MTSS1: variants seen among roughly 807,000 people sequenced by gnomAD.
The protein encoded by MTSS1 is MTSS I-BAR domain containing 1.
A neutral mutation model predicts 79.0 loss-of-function variants in MTSS1; 18 were observed. The observed-to-expected ratio is 0.23, with a 90% confidence interval of 0.16 to 0.34. The LOEUF is 0.34. MTSS1 is among the 10% of genes least tolerant of loss of function. MTSS1 has a pLI of 1.00. For synonymous variants in MTSS1, 341 were observed against 368.6 expected (o/e 0.93, Z 0.86); for missense variants, 815 against 986.2 (o/e 0.83, Z 2.33).
rs368901804 is a variant in MTSS1, at chr8:124,556,538, G to A, written c.1231-133C>T. ...AACCTCCGGCTGGGACAAGCCACAG[G>A]CCCTCTGCATGCCCTCTCCAGGCTC... On this transcript the variant is annotated intron_variant, in intron 11 of 13. Coordinates refer to ENST00000518547, the MANE Select transcript of MTSS1 (RefSeq NM_014751.6). 6.0e-6 allele frequency: 6 copies of A among 1,001,546 alleles called. No individual in the cohort carries two copies. The South Asian group carries it at 1.0e-4, about 17-fold the overall frequency. 62.0% of individuals were successfully genotyped at this position (1,001,546 alleles called of 1,614,324 possible).
At chr8:124,624,036 T>A (rs1325608313) in intron 3 of MTSS1, among the ~76,000 whole-genome samples, 1 of 152,242 alleles carries the variant, frequency 6.6e-6, no homozygotes, top group African/African-American at 2.4e-5. Context: ...ATCGAAGCTA[T>A]CAACCATTGC....
chr8:124,718,139 C>T (rs1470294481), intron 1 of MTSS1, among the ~76,000 whole-genome samples: 2 of 140,594 alleles, frequency 1.4e-5, no homozygotes, highest in African/African-American at 2.5e-5. Flanking sequence ...TCATCAAGCG[C>T]TTGTGGGTGA....
At chr8:124,599,117 T>C (rs941643247) in intron 3 of MTSS1, among the ~76,000 whole-genome samples, 2 of 152,190 alleles carry the variant, frequency 1.3e-5, no homozygotes, top group Non-Finnish European at 2.9e-5. Context: ...GAAGGGACCC[T>C]GTGCGCTTGA....
intron 1 of MTSS1, among the ~76,000 whole-genome samples, chr8:124,709,806 T>C (rs1230979679): frequency 6.6e-6 from 1 of 152,158 alleles, no homozygotes; most frequent in Non-Finnish European, 1.5e-5. Context: ...TGGCTGCTTC[T>C]CTTCAAATCT....
chr8:124,651,662 G>C (rs1819999447), intron 3 of MTSS1, among the ~76,000 whole-genome samples: 1 of 152,074 alleles, frequency 6.6e-6, no homozygotes, highest in African/African-American at 2.4e-5. Context: ...TGGGACATAA[G>C]TCTCCACCCA....
At chr8:124,578,731 G>T (rs1487507150) in intron 6 of MTSS1, among the ~76,000 whole-genome samples, 6 of 152,120 alleles carry the variant, frequency 3.9e-5, no homozygotes, top group Non-Finnish European at 5.9e-5. Context: ...GGAGACGGAG[G>T]TTGCAGTGAG....
intron 3 of MTSS1, among the ~76,000 whole-genome samples, chr8:124,622,490 A>G (rs76279793): frequency 6.6e-6 from 1 of 151,206 alleles, no homozygotes; most frequent in South Asian, 2.1e-4. Context: ...ATATTGAAAA[A>G]AAAAAAAAAA....
chr8:124,716,004 A>G (rs1192259577), intron 1 of MTSS1, among the ~76,000 whole-genome samples: 1 of 152,232 alleles, frequency 6.6e-6, no homozygotes, highest in Non-Finnish European at 1.5e-5. Context: ...CTCTGCTTTG[A>G]TGACTCAATG....
intron 6 of MTSS1, among the ~76,000 whole-genome samples, chr8:124,576,953 G>A (rs942269574): frequency 5.3e-5 from 8 of 152,124 alleles, no homozygotes; most frequent in Non-Finnish European, 1.0e-4. Context: ...CCTCTACCCT[G>A]CCCCTGAATG....
At chr8:124,615,204 G>T (rs2133381128) in intron 3 of MTSS1, among the ~76,000 whole-genome samples, 1 of 152,302 alleles carries the variant, frequency 6.6e-6, no homozygotes, top group East Asian at 1.9e-4. Context: ...GGCAGGAGGA[G>T]GCCAGGCCTG....
chr8:124,655,394 G>A (rs1165369034), intron 3 of MTSS1, among the ~76,000 whole-genome samples: 1 of 152,204 alleles, frequency 6.6e-6, no homozygotes, highest in Non-Finnish European at 1.5e-5. Flanking sequence ...TAGGCCTGGA[G>A]GTACACGGGG....
chr8:124,640,629 C>A (rs1322353914), intron 3 of MTSS1, among the ~76,000 whole-genome samples: 8 of 152,172 alleles, frequency 5.3e-5, no homozygotes. Flanking sequence ...CTGCAACCTC[C>A]GCCTTCTGGG....
At chr8:124,610,935 C>T (rs1012016796) in intron 3 of MTSS1, among the ~76,000 whole-genome samples, 2 of 152,180 alleles carry the variant, frequency 1.3e-5, no homozygotes, top group African/African-American at 4.8e-5. Flanking sequence ...ACCTGGAAAT[C>T]CATGGTTGTC....
intron 6 of MTSS1, among the ~76,000 whole-genome samples, chr8:124,576,306 C>T (rs970151786): frequency 3.3e-5 from 5 of 152,256 alleles, no homozygotes; most frequent in Admixed American, 2.0e-4. Context: ...AATTTGTGGT[C>T]GGCTGGGCAG....
intron 3 of MTSS1, among the ~76,000 whole-genome samples, chr8:124,661,988 T>C (rs1429405568): frequency 6.6e-6 from 1 of 152,148 alleles, no homozygotes; most frequent in Admixed American, 6.5e-5. Context: ...ACCAAGGAAG[T>C]AGCCAGCTTC....
In MTSS1 at chr8:124,575,018, G is replaced by A. The variant is rs186781272; in HGVS notation, c.461-6482C>T. Among the ~76,000 whole-genome samples the A allele has an allele frequency of 4.6e-5, 7 of 152,016 alleles. No individual in the cohort carries two copies. The East Asian group carries it at 1.4e-3, about 29-fold the overall frequency. ...TGGTCTGGAAAATAATGGTGCATCT[G>A]ACAATTGCTTGTATCCCAGAGTCAA... On this transcript the variant is annotated intron_variant, in intron 6 of 13. Transcript: ENST00000518547.
chr8:124,629,629 C>T (rs1241653897), intron 3 of MTSS1, among the ~76,000 whole-genome samples: 1 of 151,788 alleles, frequency 6.6e-6, no homozygotes, highest in Non-Finnish European at 1.5e-5. Flanking sequence ...AGACCTGAAA[C>T]ACGAGTTCCC....
intron 1 of MTSS1, among the ~76,000 whole-genome samples, chr8:124,707,816 C>T (rs1830615490): frequency 6.6e-6 from 1 of 152,166 alleles, no homozygotes; most frequent in Admixed American, 6.5e-5. Context: ...ATCGAAGCTG[C>T]AGTGAGCTGT....
At chr8:124,703,791 G>A (rs1170870125) in intron 2 of MTSS1, among the ~76,000 whole-genome samples, 2 of 152,290 alleles carry the variant, frequency 1.3e-5, no homozygotes, top group East Asian at 3.9e-4. Context: ...TACCTTGTGG[G>A]GTTATGAGAT....
Sources: allele counts gnomAD v4.1 joint callset (sites outside exome capture counted in the v4.1 genomes callset), GRCh38; gene constraint gnomAD v4.1.1; transcripts MANE v1.5; gene names NCBI Gene and HGNC (gene_info 2026-07-23, HGNC 2026-07-21).